EPHA8: variants seen among roughly 807,000 people sequenced by gnomAD.
EPHA8 encodes ephrin type-A receptor 8.
EPHA8 carries 58 observed loss-of-function variants against 103.6 expected under a neutral mutation model. That is an observed-to-expected ratio of 0.56 (90% CI 0.45 to 0.70). The LOEUF is 0.70. Among genes scored for constraint, EPHA8 ranks in the 30% least tolerant of loss-of-function variants. EPHA8 has a pLI of 0.00. For missense variants in EPHA8, 1,304 were observed against 1,395.2 expected (o/e 0.93, Z 1.04); for synonymous variants, 559 against 572.5 (o/e 0.98, Z 0.34).
intron 5 of EPHA8, among the ~76,000 whole-genome samples, chr1:22,591,385 G>C (rs1479945120): frequency 7.2e-6 from 1 of 139,844 alleles, no homozygotes; most frequent in African/African-American, 2.9e-5. Context: ...ACCATGCCCA[G>C]TGATTTTTTT....
At position 22,601,353 on chromosome 1, in the gene EPHA8, G is replaced by A; in HGVS notation, c.2783G>A (p.Gly928Asp). 1 of 1,608,748 alleles carries A rather than the reference G, an allele frequency of 6.2e-7. No individual in the cohort carries two copies. The highest frequency in any genetic ancestry group is 1.1e-5 in the South Asian group (1 of 90,610). The change falls in exon 16 of 17, where the codon GGT becomes GAT. Residue 928 changes from glycine to aspartate, a missense_variant. By Grantham distance (94) the Gly-to-Asp change is moderately conservative. Coordinates refer to ENST00000166244, the MANE Select transcript of EPHA8 (RefSeq NM_020526.5). ...TGCTTTGACCTCCGAGGGGGCAGCGGTGGCGGTGGGGGCCTCACCGTGGGG... is the reference window on the plus strand; with the variant it reads ...TGCTTTGACCTCCGAGGGGGCAGCGATGGCGGTGGGGGCCTCACCGTGGGG... ...RSCFDLRGGS[G>D]GGGGLTVGDW... is the part of the protein sequence containing the mutation.
chr1:22,593,694 C>A lies in EPHA8; in HGVS notation c.1603+8C>A. The A allele has an allele frequency of 6.3e-7, 1 of 1,580,796 alleles. No individual in the cohort carries two copies. Among genetic ancestry groups the A allele is most frequent in the Non-Finnish European group, 8.6e-7 (1 of 1,162,994 alleles). Reference sequence around the variant, plus strand: ...TGGAGACCGGGAAACCCCGTGAGTGCAGGGAGGGGGCGTGGGCGCGGAGCA... The same window carrying A: ...TGGAGACCGGGAAACCCCGTGAGTGAAGGGAGGGGGCGTGGGCGCGGAGCA... On this transcript the variant is annotated splice_region_variant and intron_variant, in intron 7 of 16. Transcript: ENST00000166244.
chr1:22,576,568 C>T lies in EPHA8; in HGVS notation c.511C>T (p.Arg171Cys), dbSNP rs768851018. The part of the protein sequence containing the change: ...VRRLKLNTEV[R>C]SVGPLSKRGF... ...GCGTCTCAAGCTCAACACGGAGGTG[C>T]GCAGTGTGGGTCCCCTCAGCAAGCG... is the stretch of plus-strand genomic sequence containing the variant. Residue 171 changes from arginine to cysteine, a missense_variant, in exon 3 of 17, where the codon CGC becomes TGC. By Grantham distance (180) the Arg-to-Cys change is radical. Transcript: ENST00000166244. The surrounding 1 kb of genome is among the most constrained non-coding windows in gnomAD (Gnocchi z 4.8). 3.1e-6 allele frequency: 5 copies of T among 1,614,138 alleles called. No individual in the cohort carries two copies. Among genetic ancestry groups the T allele is most frequent in the South Asian group, 1.1e-5 (1 of 91,080 alleles).
chr1:22,598,698 G>C lies in EPHA8; in HGVS notation c.2179-140G>C, dbSNP rs1182531646. 1 of 789,660 alleles carries C rather than the reference G, an allele frequency of 1.3e-6. No homozygotes were observed. Among genetic ancestry groups the C allele is most frequent in the African/African-American group, 1.7e-5 (1 of 58,338 alleles). The allele number at this position is 789,660 out of a possible 1,614,324, so 48.9% of individuals were successfully genotyped here. A position where few individuals can be genotyped will look rare whatever the true frequency, so the allele number is the denominator to read the frequency against. On this transcript the variant is annotated intron_variant, in intron 12 of 16. Transcript: ENST00000166244. This position sits in a 1 kb window ranked among gnomAD's most constrained non-coding sequence, Gnocchi z 5.1. Reference sequence around the variant, plus strand: ...GGAGAATAACCCTTAACTGCAAAGTGCTTCAGAAGTAGTGGCGCACTTGGC... The same window carrying C: ...GGAGAATAACCCTTAACTGCAAAGTCCTTCAGAAGTAGTGGCGCACTTGGC...
At chr1:22,585,048 T>TGCGCGC (rs1553146979) in intron 3 of EPHA8, among the ~76,000 whole-genome samples, 13 of 111,340 alleles carry the variant, frequency 1.2e-4, no homozygotes, top group African/African-American at 5.4e-4. Context: ...TGTGTGTGTG[T>TGCGCGC]GTGCGCACGC....
chr1:22,579,030 TG>T (rs146905496), intron 3 of EPHA8, among the ~76,000 whole-genome samples: 11,056 of 146,320 alleles, frequency 0.076, 422 homozygotes, highest in South Asian at 0.18. Context: ...TGCAAGAGTA[TG>T]TATGCATGTG....
In EPHA8 at chr1:22,576,088, G is replaced by C; in HGVS notation, c.160-129G>C. 2 of 1,059,240 alleles carry C rather than the reference G, an allele frequency of 1.9e-6. No homozygotes were observed. The highest frequency in any genetic ancestry group is 1.6e-5 in the South Asian group (1 of 61,762). The allele number at this position is 1,059,240 out of a possible 1,614,324, so 65.6% of individuals were successfully genotyped here. A position where few individuals can be genotyped will look rare whatever the true frequency, so the allele number is the denominator to read the frequency against. Reference sequence around the variant, plus strand: ...ATGTCTGCAGGGGGCCTGGCATCTAGTAGCCACCAGGAGGCCAGCTCCTTT... The same window carrying C: ...ATGTCTGCAGGGGGCCTGGCATCTACTAGCCACCAGGAGGCCAGCTCCTTT... On this transcript the variant is annotated intron_variant, in intron 2 of 16. Coordinates refer to ENST00000166244, the MANE Select transcript of EPHA8 (RefSeq NM_020526.5). This position sits in a 1 kb window ranked among gnomAD's most constrained non-coding sequence, Gnocchi z 4.8.
chr1:22,579,701 G>A (rs1311486854), intron 3 of EPHA8, among the ~76,000 whole-genome samples: 2 of 152,154 alleles, frequency 1.3e-5, no homozygotes, highest in Non-Finnish European at 2.9e-5. Context: ...AAGCCTGGCT[G>A]TTGAGATCAT....
Position 22,569,414 on chromosome 1 carries a change from A to T in EPHA8, c.159+61A>T, listed in dbSNP as rs1640460214. 15 of 1,514,848 alleles carry T rather than the reference A, an allele frequency of 9.9e-6. No individual in the cohort carries two copies. The highest frequency in any genetic ancestry group is 1.3e-5 in the Non-Finnish European group (15 of 1,122,550). The allele number at this position is 1,514,848 out of a possible 1,614,324, so 93.8% of individuals were successfully genotyped here. ...TGTGAGCAGAGAGAGGCTGCCACTC[A>T]CAGAGTCTGCATGAGATAGATCAAA... On this transcript the variant is annotated intron_variant, in intron 2 of 16. Coordinates refer to ENST00000166244, the MANE Select transcript of EPHA8 (RefSeq NM_020526.5). This position sits in a 1 kb window ranked among gnomAD's most constrained non-coding sequence, Gnocchi z 4.5.
Position 22,589,247 on chromosome 1 carries a change from A to T in EPHA8, c.1315+41A>T. 1.2e-6 allele frequency: 2 copies of T among 1,614,042 alleles called. No individual in the cohort carries two copies. Among genetic ancestry groups the T allele is most frequent in the Middle Eastern group, 1.6e-4 (1 of 6,062 alleles). On this transcript the variant is annotated intron_variant, in intron 5 of 16. Coordinates refer to ENST00000166244, the MANE Select transcript of EPHA8 (RefSeq NM_020526.5). This position sits in a 1 kb window ranked among gnomAD's most constrained non-coding sequence, Gnocchi z 4.3. ...CCGTCCCGCAGCGTCCTGGTCCCCC[A>T]GCTTCCCCTGCCTCAGACCCATCCA...
chr1:22,581,537 G>A (rs915139617), intron 3 of EPHA8, among the ~76,000 whole-genome samples: 60 of 152,336 alleles, frequency 3.9e-4, no homozygotes, highest in Middle Eastern at 3.4e-3. Context: ...GGAGCCCAGA[G>A]AGGGGATATG....
Position 22,576,701 on chromosome 1 carries a change from C to T in EPHA8, c.644C>T (p.Ser215Leu), listed in dbSNP as rs776392628. The change falls in exon 3 of 17, where the codon TCG becomes TTG. Residue 215 changes from serine to leucine, a missense_variant. Ser to Leu is a moderately radical substitution (Grantham distance 145). Transcript: ENST00000166244. This position sits in a 1 kb window ranked among gnomAD's most constrained non-coding sequence, Gnocchi z 4.8. ...ATGGTGCGCAATCTGGCTGCCTTCTCGGAGGCAGTGACGGGGGCCGACTCG... is the reference window on the plus strand; with the variant it reads ...ATGGTGCGCAATCTGGCTGCCTTCTTGGAGGCAGTGACGGGGGCCGACTCG... ...PAMVRNLAAF[S>L]EAVTGADSSS... 1.2e-6 allele frequency: 2 copies of T among 1,613,916 alleles called. No homozygotes were observed. Among genetic ancestry groups the T allele is most frequent in the African/African-American group, 1.3e-5 (1 of 75,066 alleles).
Position 22,597,993 on chromosome 1 carries a change from T to A in EPHA8, c.2116+132T>A. 1 of 1,438,912 alleles carries A rather than the reference T, an allele frequency of 6.9e-7. No individual in the cohort carries two copies. The allele number at this position is 1,438,912 out of a possible 1,614,324, so 89.1% of individuals were successfully genotyped here. ...CTCTTGGTTCAGGTCCCTGAATGAC[T>A]CGGGGTGCCCAGAGCCTGGGACCCC... On this transcript the variant is annotated intron_variant, in intron 11 of 16. Coordinates refer to ENST00000166244, the MANE Select transcript of EPHA8 (RefSeq NM_020526.5). This position sits in a 1 kb window ranked among gnomAD's most constrained non-coding sequence, Gnocchi z 4.6.
intron 2 of EPHA8, among the ~76,000 whole-genome samples, chr1:22,574,337 C>T (rs1397750962): frequency 6.6e-6 from 1 of 152,100 alleles, no homozygotes; most frequent in African/African-American, 2.4e-5. Context: ...TAAAGTTTAC[C>T]GTCTTAACCC....
intron 4 of EPHA8, 54 bp downstream of exon 4, chr1:22,586,689 C>T: frequency 6.3e-7 from 1 of 1,591,374 alleles, no homozygotes; most frequent in Non-Finnish European, 8.6e-7. Flanking sequence ...GGGCCGGGCC[C>T]CTGTGTTTGG....
At chr1:22,572,099 A>C (rs1640558636) in intron 2 of EPHA8, among the ~76,000 whole-genome samples, 1 of 152,128 alleles carries the variant, frequency 6.6e-6, no homozygotes, top group African/African-American at 2.4e-5. Context: ...ACCTCTGGAG[A>C]TGGTCCTTGA....
chr1:22,579,247 ATG>A (rs1207085532), intron 3 of EPHA8, among the ~76,000 whole-genome samples: 1 of 148,280 alleles, frequency 6.7e-6, no homozygotes, highest in Admixed American at 6.7e-5. Context: ...ATGTGAGTAT[ATG>A]TGTACATGTG....
intron 1 of EPHA8, among the ~76,000 whole-genome samples, chr1:22,566,104 A>C (rs1343914724): frequency 2.6e-5 from 4 of 152,214 alleles, no homozygotes; most frequent in Non-Finnish European, 5.9e-5. Context: ...ACAGTCCCCT[A>C]CAACAGGCCA....
chr1:22,575,763 A>C (rs1640672030), intron 2 of EPHA8, among the ~76,000 whole-genome samples: 2 of 152,116 alleles, frequency 1.3e-5, no homozygotes, highest in Non-Finnish European at 2.9e-5. Flanking sequence ...CGGCTGAAGG[A>C]TTTGAAGTGG....
Sources: allele counts gnomAD v4.1 joint callset (sites outside exome capture counted in the v4.1 genomes callset), GRCh38; gene constraint gnomAD v4.1.1; non-coding constraint Gnocchi (gnomAD v3.1); transcripts MANE v1.5; gene names NCBI Gene and HGNC (gene_info 2026-07-23, HGNC 2026-07-21).